TNFRSF1A: variants seen among roughly 807,000 people sequenced by gnomAD.
TNFRSF1A encodes TNF receptor superfamily member 1A.
In TNFRSF1A, 9 loss-of-function variants were observed where a neutral mutation model predicts 41.6. That is an observed-to-expected ratio of 0.22 (90% CI 0.13 to 0.38). The LOEUF is 0.38. Among genes scored for constraint, TNFRSF1A ranks in the 10% least tolerant of loss-of-function variants. TNFRSF1A has a pLI of 1.00. For missense variants in TNFRSF1A, 463 were observed against 591.5 expected (o/e 0.78, Z 2.25); for synonymous variants, 254 against 248.6 (o/e 1.02, Z -0.21).
rs998286958 is a variant in TNFRSF1A, at chr12:6,341,507, T to G, written c.39+269A>C. On this transcript the variant is annotated intron_variant, in intron 1 of 9. Transcript: ENST00000162749. The surrounding 1 kb of genome is among the most constrained non-coding windows in gnomAD (Gnocchi z 4.6). ...CACATTCCCTTGGCCGCCCACAAAC[T>G]TCCACCGCTGTCAGGGGCCAGGGCT... Among the ~76,000 whole-genome samples, 1 of 152,206 alleles carries G rather than the reference T, an allele frequency of 6.6e-6. No individual in the cohort carries two copies. Among genetic ancestry groups the G allele is most frequent in the African/African-American group, 2.4e-5 (1 of 41,452 alleles).
In TNFRSF1A at chr12:6,333,142, C is replaced by T. The variant is rs1007566190; in HGVS notation, c.478G>A (p.Glu160Lys). The T allele has an allele frequency of 6.2e-7, 1 of 1,614,222 alleles. No individual in the cohort carries two copies. The change falls in exon 5 of 10, where the codon GAG (glutamate) becomes AAG (lysine). Residue 160 changes from glutamate to lysine, a missense_variant. By Grantham distance (56) the Glu-to-Lys change is moderately conservative (BLOSUM62 1). This residue lies in a region of TNFRSF1A where 149 missense variants were observed against 239.4 expected (regional missense o/e 0.62). Coordinates refer to ENST00000162749, the MANE Select transcript of TNFRSF1A (RefSeq NM_001065.4). This position sits in a 1 kb window ranked among gnomAD's most constrained non-coding sequence, Gnocchi z 6.3. ...CAGGTGCACACGGTGTTCTGTTTCT[C>T]CTGGCCTGTAGGGAGAAGTGCGGCA... Reference protein sequence around the residue: ...LNGTVHLSCQEKQNTVCTCHA... With the variant: ...LNGTVHLSCQKKQNTVCTCHA...
At chr12:6,336,265 G>A (rs1478267146) in intron 1 of TNFRSF1A, among the ~76,000 whole-genome samples, 3 of 152,036 alleles carry the variant, frequency 2.0e-5, no homozygotes, top group African/African-American at 4.8e-5. Flanking sequence ...CTCAGGCCAC[G>A]TGTTCCCTTC....
chr12:6,334,701 CG>C lies in TNFRSF1A; in HGVS notation c.40-458del, dbSNP rs1352584121. ...TTTTAGTAGAGGCAGGGTCTTGTTACGTTGCTCAGACTGGTCTCAAAATCCT... is the reference window on the plus strand; with the variant it reads ...TTTTAGTAGAGGCAGGGTCTTGTTACTTGCTCAGACTGGTCTCAAAATCCT... On this transcript the variant is annotated intron_variant, in intron 1 of 9. Coordinates refer to ENST00000162749, the MANE Select transcript of TNFRSF1A (RefSeq NM_001065.4). The surrounding 1 kb of genome is among the most constrained non-coding windows in gnomAD (Gnocchi z 5.1). Among the ~76,000 whole-genome samples the C allele has an allele frequency of 1.3e-5, 2 of 152,032 alleles. No homozygotes were observed. Among genetic ancestry groups the C allele is most frequent in the Admixed American group, 6.6e-5 (1 of 15,262 alleles).
chr12:6,338,264 C>T (rs895427783), intron 1 of TNFRSF1A, among the ~76,000 whole-genome samples: 7 of 152,074 alleles, frequency 4.6e-5, no homozygotes, highest in Non-Finnish European at 1.0e-4. Context: ...ATGCTGAGAA[C>T]TTGCCACGCT....
chr12:6,339,593 G>A (rs1487750034), intron 1 of TNFRSF1A, among the ~76,000 whole-genome samples: 1 of 152,156 alleles, frequency 6.6e-6, no homozygotes, highest in East Asian at 1.9e-4. Context: ...AAAGGCAGTG[G>A]ACTAAGGCTC....
intron 1 of TNFRSF1A, among the ~76,000 whole-genome samples, chr12:6,338,412 G>C (rs1592051134): frequency 6.6e-6 from 1 of 151,402 alleles, no homozygotes; most frequent in South Asian, 2.1e-4. Flanking sequence ...GTGTCTTCTA[G>C]CCTCTCTCCT....
chr12:6,333,356 G>T lies in TNFRSF1A; in HGVS notation c.472+11C>A. On this transcript the variant is annotated intron_variant, in intron 4 of 9. Transcript: ENST00000162749. The surrounding 1 kb of genome is among the most constrained non-coding windows in gnomAD (Gnocchi z 6.3). ...GGGGAGAGGGCTTGGCCTCAGGAGAGCTGCGCTCACAGGAGAGGTGCACGG... is the reference window on the plus strand; with the variant it reads ...GGGGAGAGGGCTTGGCCTCAGGAGATCTGCGCTCACAGGAGAGGTGCACGG... 1 of 1,612,850 alleles carries T rather than the reference G, an allele frequency of 6.2e-7. No homozygotes were observed. The highest frequency in any genetic ancestry group is 8.5e-7 in the Non-Finnish European group (1 of 1,179,488).
rs1331397738 is a variant in TNFRSF1A, at chr12:6,337,033, G to A, written c.40-2789C>T. Among the ~76,000 whole-genome samples, 7 of 152,314 alleles carry A rather than the reference G, an allele frequency of 4.6e-5. No homozygotes were observed. In the East Asian group the frequency reaches 1.2e-3, roughly 25 times the overall value. ...CCAGAGCCCTGAACACCCACTTCCAGGAACGAGGGAGCAGGCAAGAAGGGA... is the reference window on the plus strand; with the variant it reads ...CCAGAGCCCTGAACACCCACTTCCAAGAACGAGGGAGCAGGCAAGAAGGGA... On this transcript the variant is annotated intron_variant, in intron 1 of 9. Transcript: ENST00000162749. This position sits in a 1 kb window ranked among gnomAD's most constrained non-coding sequence, Gnocchi z 4.6.
At chr12:6,332,941 A>T in intron 5 of TNFRSF1A, 128 bp downstream of exon 5, 1 of 786,792 alleles carries the variant, frequency 1.3e-6, no homozygotes, top group Non-Finnish European at 2.2e-6. Flanking sequence ...AGTGTCTCCT[A>T]CTCAGCCAGT....
Position 6,341,828 on chromosome 12 carries a change from G to A in TNFRSF1A, c.-14C>T. On this transcript the variant is annotated 5_prime_UTR_variant, in exon 1 of 10. Transcript: ENST00000162749. This position sits in a 1 kb window ranked among gnomAD's most constrained non-coding sequence, Gnocchi z 4.6. ...GGAGAGGCCCATGCCAGACAGCTAT[G>A]GCCTCTCACTCCCCCATTTGGGCTC... The A allele has an allele frequency of 6.2e-7, 1 of 1,614,098 alleles. No individual in the cohort carries two copies. The highest frequency in any genetic ancestry group is 1.6e-4 in the Middle Eastern group (1 of 6,062).
At chr12:6,340,759 G>A (rs1207687858) in intron 1 of TNFRSF1A, among the ~76,000 whole-genome samples, 1 of 152,220 alleles carries the variant, frequency 6.6e-6, no homozygotes, top group Non-Finnish European at 1.5e-5. Flanking sequence ...GCCTTCAGAG[G>A]CCGGGCAGGG....
chr12:6,329,110 CG>C lies in TNFRSF1A; in HGVS notation c.*201del. On this transcript the variant is annotated 3_prime_UTR_variant, in exon 10 of 10. Coordinates refer to ENST00000162749, the MANE Select transcript of TNFRSF1A (RefSeq NM_001065.4). ...CCCACTCAGGCTCTTGAGCCCACGG[CG>C]CACCTCTCTCCGCGCGCACAGCGCT... The C allele has an allele frequency of 2.1e-6, 1 of 473,622 alleles. No homozygotes were observed. The highest frequency in any genetic ancestry group is 3.5e-6 in the Non-Finnish European group (1 of 285,770). 29.3% of individuals were successfully genotyped at this position (473,622 alleles called of 1,614,324 possible). A position where few individuals can be genotyped will look rare whatever the true frequency, so the allele number is the denominator to read the frequency against.
rs1385470084 is a variant in TNFRSF1A at position 6,329,951 on chromosome 12, G to T, written c.884C>A (p.Ser295Tyr). The T allele has an allele frequency of 6.3e-7, 1 of 1,575,446 alleles. No individual in the cohort carries two copies. The highest frequency in any genetic ancestry group is 1.3e-5 in the African/African-American group (1 of 74,088). The change falls in exon 9 of 10, where the codon TCC (serine) becomes TAC (tyrosine). Residue 295 changes from serine (S) to tyrosine (Y), a missense_variant. Physicochemically the swap from Ser to Tyr is moderately radical, Grantham distance 144. Transcript: ENST00000162749. ...GTCACCGGGGGTATAGGTGGAGCTG[G>T]AGGTGAAGGTGGAACTGGGCACGGG... is the stretch of plus-strand genomic sequence containing the variant. ...FSPVPSSTFT[S>Y]SSTYTPGDCP... is the part of the protein sequence containing the mutation.
Position 6,329,517 on chromosome 12 carries a change from A to C in TNFRSF1A, c.1163T>G (p.Leu388Arg), listed in dbSNP as rs1206074214. 6.3e-7 allele frequency: 1 copy of C among 1,595,230 alleles called. No individual in the cohort carries two copies. Among genetic ancestry groups the C allele is most frequent in the Non-Finnish European group, 8.5e-7 (1 of 1,178,090 alleles). ...CAGGCAGCGCCCGTTCTGCAGCTCC[A>C]GCCGATCGATCTCGTGGTCGCTCAG... ...LGLSDHEIDR[L>R]ELQNGRCLRE... The change falls in exon 10 of 10, where the codon CTG (leucine) becomes CGG (arginine). Residue 388 changes from leucine (L) to arginine (R), a missense_variant. Leu to Arg is a moderately radical substitution (Grantham distance 102). Around this residue, in one of 4 missense-constraint regions of TNFRSF1A, gnomAD observed 277 missense variants for 288.8 expected, o/e 0.96. Transcript: ENST00000162749.
In TNFRSF1A at chr12:6,337,345, C is replaced by G. The variant is rs989425621; in HGVS notation, c.40-3101G>C. Reference sequence around the variant, plus strand: ...GACAGTTGAGGGGGTGGCCCAACACCCCTCCAACTCCCCCACAATTTCCGC... The same window carrying G: ...GACAGTTGAGGGGGTGGCCCAACACGCCTCCAACTCCCCCACAATTTCCGC... On this transcript the variant is annotated intron_variant, in intron 1 of 9. Coordinates refer to ENST00000162749, the MANE Select transcript of TNFRSF1A (RefSeq NM_001065.4). This position sits in a 1 kb window ranked among gnomAD's most constrained non-coding sequence, Gnocchi z 4.6. Among the ~76,000 whole-genome samples, 26 of 152,188 alleles carry G rather than the reference C, an allele frequency of 1.7e-4. No homozygotes were observed. Among genetic ancestry groups the G allele is most frequent in the Non-Finnish European group, 3.5e-4 (24 of 68,028 alleles).
intron 1 of TNFRSF1A, among the ~76,000 whole-genome samples, chr12:6,339,841 T>TCTCACACACACACACA (rs762783221): frequency 1.8e-5 from 2 of 113,738 alleles, no homozygotes; most frequent in African/African-American, 8.1e-5. Context: ...TCTCTCTCTC[T>TCTCACACACACACACA]CACACACACA....
In TNFRSF1A at chr12:6,333,236, G is replaced by A; in HGVS notation, c.473-89C>T. The A allele has an allele frequency of 6.4e-7, 1 of 1,553,172 alleles. No individual in the cohort carries two copies. The highest frequency in any genetic ancestry group is 1.1e-5 in the South Asian group (1 of 88,436). On this transcript the variant is annotated intron_variant, in intron 4 of 9. Coordinates refer to ENST00000162749, the MANE Select transcript of TNFRSF1A (RefSeq NM_001065.4). This position sits in a 1 kb window ranked among gnomAD's most constrained non-coding sequence, Gnocchi z 6.3. ...GGAAGTGACGAGGGACAGGGTGGGG[G>A]CGGCCAGAGAGGAGTTGGTTGTCAG...
rs1229667914 is a variant in TNFRSF1A, at chr12:6,333,016, C to T, written c.551+53G>A. 5 of 1,543,414 alleles carry T rather than the reference C, an allele frequency of 3.2e-6. No individual in the cohort carries two copies. The highest frequency in any genetic ancestry group is 4.5e-6 in the Non-Finnish European group (5 of 1,116,726). ...CCAGCTAATGGTTCCCACCAGTCAC[C>T]CGTCCCAACCCATGCCACCATCCAG... On this transcript the variant is annotated intron_variant, in intron 5 of 9. Transcript: ENST00000162749. The surrounding 1 kb of genome is among the most constrained non-coding windows in gnomAD (Gnocchi z 6.3).
At position 6,333,488 on chromosome 12, in the gene TNFRSF1A, G is replaced by A; in HGVS notation, c.351C>T (p.Cys117=). ...KEMGQVEISS[C]TVDRDTVCGC... ...CACACACGGTGTCCCGGTCCACTGT[G>A]CAAGAAGAGATCTCCACCTGACCCA... The change falls in exon 4 of 10, where the codon TGC becomes TGT. Residue 117 remains cysteine (C), a synonymous_variant. Transcript: ENST00000162749. The surrounding 1 kb of genome is among the most constrained non-coding windows in gnomAD (Gnocchi z 6.3). 1 of 1,614,138 alleles carries A rather than the reference G, an allele frequency of 6.2e-7. No homozygotes were observed.
Sources: gnomAD v4.1 joint callset for allele counts (sites outside exome capture counted in the v4.1 genomes callset) on GRCh38, gnomAD v4.1.1 for gene constraint, gnomAD v4.1.1 regional missense constraint, Gnocchi (gnomAD v3.1) non-coding constraint, MANE v1.5 for transcripts, NCBI Gene and HGNC (gene_info 2026-07-23, HGNC 2026-07-21) for gene names.